FLNB: variants seen among roughly 807,000 people sequenced by gnomAD.
The protein encoded by FLNB is filamin B.
In FLNB, 111 loss-of-function variants were observed where a neutral mutation model predicts 250.6. That is an observed-to-expected ratio of 0.44 (90% CI 0.38 to 0.52). FLNB has a LOEUF of 0.52. Among genes scored for constraint, FLNB ranks in the 20% least tolerant of loss-of-function variants. The pLI, the probability that FLNB is intolerant of heterozygous loss-of-function variation, is 0.00. For synonymous variants in FLNB, 1,302 were observed against 1,372.1 expected (o/e 0.95, Z 1.13); for missense variants, 2,869 against 3,447.8 (o/e 0.83, Z 4.20).
intron 1 of FLNB, among the ~76,000 whole-genome samples, chr3:58,075,463 A>G (rs1426060947): frequency 6.6e-6 from 1 of 152,192 alleles, no homozygotes; most frequent in African/African-American, 2.4e-5. Flanking sequence ...GATGTAGTCC[A>G]GGAACAAGGA....
rs367976181 is a variant in FLNB at position 58,038,014 on chromosome 3, A to ATTGT, written c.292+29185_292+29188dup. Among the ~76,000 whole-genome samples the ATTGT allele has an allele frequency of 3.5e-3, 526 of 152,104 alleles. 3 individuals are homozygous for ATTGT. The highest frequency in any genetic ancestry group is 6.2e-3 in the African/African-American group (257 of 41,512). On this transcript the variant is annotated intron_variant, in intron 1 of 45. Transcript: ENST00000295956. ...GACTTTGAGCCTGAGGCCTGTTCTT[A>ATTGT]TTGTTTGTTTGTTTGTTTGTTTGTT...
intron 1 of FLNB, among the ~76,000 whole-genome samples, chr3:58,055,080 A>G (rs2097168326): frequency 6.6e-6 from 1 of 152,130 alleles, no homozygotes; most frequent in Admixed American, 6.5e-5. Context: ...CATCCTAGCC[A>G]ACATGGTGAA....
chr3:58,114,511 C>G (rs1366111037), intron 18 of FLNB, among the ~76,000 whole-genome samples: 1 of 151,918 alleles, frequency 6.6e-6, no homozygotes, highest in Non-Finnish European at 1.5e-5. Flanking sequence ...GTACAAATAT[C>G]TCTTTGAGTC....
intron 23 of FLNB, 91 bp downstream of exon 23, chr3:58,125,834 GA>G: frequency 1.6e-6 from 2 of 1,271,842 alleles, no homozygotes; most frequent in South Asian, 1.2e-5. Flanking sequence ...TTGATAAGAT[GA>G]ATTTTTATTT....
rs2097292246 is a variant in FLNB, at chr3:58,123,378, G to A, written c.3412G>A (p.Ala1138Thr). The change falls in exon 21 of 46, where the codon GCA becomes ACA. Residue 1138 changes from alanine (A) to threonine (T), a missense_variant. This residue lies in a region of FLNB where 1,348 missense variants were observed against 1,466.7 expected (regional missense o/e 0.92). Transcript: ENST00000295956. Reference protein sequence around the residue: ...EMPFDPSKVVASGPGLEHGKV... With the variant: ...EMPFDPSKVVTSGPGLEHGKV... ...GCCCTTTGACCCCTCTAAAGTCGTG[G>A]CATCGGGGCCAGGTCTCGAGCACGG... 1 of 1,614,116 alleles carries A rather than the reference G, an allele frequency of 6.2e-7. No individual in the cohort carries two copies. The highest frequency in any genetic ancestry group is 8.5e-7 in the Non-Finnish European group (1 of 1,180,022).
intron 1 of FLNB, among the ~76,000 whole-genome samples, chr3:58,039,220 G>T (rs1576620160): frequency 6.7e-6 from 1 of 149,334 alleles, no homozygotes; most frequent in East Asian, 2.0e-4. Context: ...AAGAAGAATT[G>T]CATAAGTATC....
intron 1 of FLNB, among the ~76,000 whole-genome samples, chr3:58,045,860 C>G (rs1054075708): frequency 6.6e-6 from 1 of 151,798 alleles, no homozygotes; most frequent in Admixed American, 6.6e-5. Context: ...ATTAGCCGGG[C>G]GTGGTAGTGT....
Position 58,169,302 on chromosome 3 carries a change from A to C in FLNB, c.7418-288A>C, listed in dbSNP as rs2097376933. 2 of 471,204 alleles carry C rather than the reference A, an allele frequency of 4.2e-6. No homozygotes were observed. The highest frequency in any genetic ancestry group is 3.4e-5 in the Admixed American group (1 of 29,276). 29.2% of individuals were successfully genotyped at this position (471,204 alleles called of 1,614,324 possible). On this transcript the variant is annotated intron_variant, in intron 44 of 45. Transcript: ENST00000295956. This position sits in a 1 kb window ranked among gnomAD's most constrained non-coding sequence, Gnocchi z 4.8. ...GTCAATAGAAAGATGTGAATTCCACAGGCACATCTTTGGTGGGTAGGGGGT... is the reference window on the plus strand; with the variant it reads ...GTCAATAGAAAGATGTGAATTCCACCGGCACATCTTTGGTGGGTAGGGGGT...
rs376940497 is a variant in FLNB at position 58,109,710 on chromosome 3, G to A, written c.2323+11G>A. On this transcript the variant is annotated intron_variant, in intron 15 of 45. Coordinates refer to ENST00000295956, the MANE Select transcript of FLNB (RefSeq NM_001457.4). ...CTGAGGCTGGGGAAGGTGAGAAAGG[G>A]CTTTGTTCAACCCAGTGATCATTGC... 26 of 1,613,958 alleles carry A rather than the reference G, an allele frequency of 1.6e-5. No individual in the cohort carries two copies. The African/African-American group carries it at 3.3e-4, about 21-fold the overall frequency.
Position 58,170,869 on chromosome 3 carries a change from ATCC to A in FLNB, c.*108_*110del. On this transcript the variant is annotated 3_prime_UTR_variant, in exon 46 of 46. Coordinates refer to ENST00000295956, the MANE Select transcript of FLNB (RefSeq NM_001457.4). ...AGCCTGTTTGTGGGGCTGAAACCCC[ATCC>A]CTAAAATATTGCTGTTGTAAAATGC... is the stretch of plus-strand genomic sequence containing the variant. 3.0e-6 allele frequency: 3 copies of A among 1,002,386 alleles called. No homozygotes were observed. Among genetic ancestry groups the A allele is most frequent in the Non-Finnish European group, 4.6e-6 (3 of 652,818 alleles). 62.1% of individuals were successfully genotyped at this position (1,002,386 alleles called of 1,614,324 possible).
At chr3:58,026,698 C>A (rs1224638251) in intron 1 of FLNB, among the ~76,000 whole-genome samples, 2 of 152,158 alleles carry the variant, frequency 1.3e-5, no homozygotes, top group Admixed American at 6.5e-5. Flanking sequence ...CTGTGTCTTG[C>A]ATGAACCGTG....
At chr3:58,100,373 A>AATATATATATATATATATATATATAT (rs1553696177) in intron 8 of FLNB, among the ~76,000 whole-genome samples, 5,822 of 103,802 alleles carry the variant, frequency 0.056, 302 homozygotes, top group Non-Finnish European at 0.079. Flanking sequence ...GTAAAAAAAA[A>AATATATATATATATATATATATATAT]ATATATATAT....
intron 1 of FLNB, among the ~76,000 whole-genome samples, chr3:58,058,163 C>T (rs577663688): frequency 6.6e-6 from 1 of 152,290 alleles, no homozygotes; most frequent in East Asian, 1.9e-4. Flanking sequence ...TTTTATCTTT[C>T]AGTAGCATTA....
intron 39 of FLNB, among the ~76,000 whole-genome samples, chr3:58,154,103 A>G (rs1306810056): frequency 6.6e-6 from 1 of 152,194 alleles, no homozygotes; most frequent in Non-Finnish European, 1.5e-5. Flanking sequence ...TTTTTATTTA[A>G]TATCTTTTTC....
intron 28 of FLNB, among the ~76,000 whole-genome samples, chr3:58,137,050 G>T (rs2097317407): frequency 6.6e-6 from 1 of 152,122 alleles, no homozygotes; most frequent in Admixed American, 6.5e-5. Flanking sequence ...CAGCCCTTGG[G>T]CAGCTCAGTG....
intron 26 of FLNB, among the ~76,000 whole-genome samples, chr3:58,134,114 T>C (rs1237945587): frequency 6.6e-6 from 1 of 152,200 alleles, no homozygotes; most frequent in Non-Finnish European, 1.5e-5. Context: ...CTGGTGTGGG[T>C]GCACGGCATG....
rs777994329 is a variant in FLNB, at chr3:58,159,687, G to T, written c.7021+1G>T. ...TGCCACGTGTCTGAGCTGGAGCCAG[G>T]TGAGCAGGAGGCCTGCTGGGGGGTC... is the stretch of plus-strand genomic sequence containing the variant. On this transcript the variant is annotated splice_donor_variant, in intron 42 of 45. Coordinates refer to ENST00000295956, the MANE Select transcript of FLNB (RefSeq NM_001457.4). LOFTEE classifies it high-confidence loss of function. The T allele has an allele frequency of 6.2e-7, 1 of 1,613,096 alleles. No individual in the cohort carries two copies. The highest frequency in any genetic ancestry group is 1.1e-5 in the South Asian group (1 of 91,062).
chr3:58,136,746 C>T lies in FLNB; in HGVS notation c.4861+578C>T, dbSNP rs957719375. ...CAACTATTGACTGTCACAGGCCATT[C>T]TTTTTTTTTTTTTTTTTTTTTTTGA... On this transcript the variant is annotated intron_variant, in intron 28 of 45. Coordinates refer to ENST00000295956, the MANE Select transcript of FLNB (RefSeq NM_001457.4). Among the ~76,000 whole-genome samples, 343 of 79,542 alleles carry T rather than the reference C, an allele frequency of 4.3e-3. 2 individuals are homozygous for T. Among genetic ancestry groups the T allele is most frequent in the South Asian group, 8.1e-3 (14 of 1,724 alleles). The allele number at this position is 79,542 out of a possible 152,430, so 52.2% of individuals were successfully genotyped here.
chr3:58,123,074 T>C lies in FLNB; in HGVS notation c.3127-19T>C. The C allele has an allele frequency of 6.2e-7, 1 of 1,609,964 alleles. No individual in the cohort carries two copies. The highest frequency in any genetic ancestry group is 8.5e-7 in the Non-Finnish European group (1 of 1,176,234). ...GCAGCGATCCCAGTGCAGTTTGACT[T>C]TATTCTTTGCTCAAATAGGTGAAGG... On this transcript the variant is annotated intron_variant, in intron 20 of 45. Coordinates refer to ENST00000295956, the MANE Select transcript of FLNB (RefSeq NM_001457.4).
Sources: allele counts gnomAD v4.1 joint callset (sites outside exome capture counted in the v4.1 genomes callset), GRCh38; gene constraint gnomAD v4.1.1; regional missense constraint gnomAD v4.1.1; non-coding constraint Gnocchi (gnomAD v3.1); transcripts MANE v1.5; gene names NCBI Gene and HGNC (gene_info 2026-07-23, HGNC 2026-07-21).